PCCA: variants seen among roughly 807,000 people sequenced by gnomAD.
The protein encoded by PCCA is propionyl-CoA carboxylase alpha chain, mitochondrial.
A neutral mutation model predicts 101.3 loss-of-function variants in PCCA; 74 were observed. The ratio of observed to expected loss-of-function variants is 0.73; its 90% CI spans 0.61 to 0.89. The LOEUF (loss-of-function observed/expected upper bound fraction) is 0.89. Ranked by LOEUF, PCCA falls within the 40% of genes least tolerant of loss-of-function variation. The probability of loss-of-function intolerance (pLI) is 0.00; values close to 1 mark genes in which losing one functional copy is unlikely to be tolerated. For synonymous variants in PCCA, 294 were observed against 313.6 expected, an observed-to-expected ratio of 0.94 and a Z score of 0.66; for missense variants, 891 against 907.0, an observed-to-expected ratio of 0.98 and a Z score of 0.23.
intron 19 of PCCA, among the ~76,000 whole-genome samples, chr13:100,378,455 A>G (rs2076048870): frequency 1.3e-5 from 2 of 152,200 alleles, no homozygotes; most frequent in Non-Finnish European, 2.9e-5. Flanking sequence ...GACCTTCTGT[A>G]TCTGGATGTC....
chr13:100,508,989 C>T (rs1263571727), intron 21 of PCCA, among the ~76,000 whole-genome samples: 1 of 152,068 alleles, frequency 6.6e-6, no homozygotes, highest in African/African-American at 2.4e-5. Flanking sequence ...ATAATAAGGG[C>T]CACTCTGTAC....
chr13:100,309,923 T>G lies in PCCA; in HGVS notation c.1429+15T>G, dbSNP rs760446305. On this transcript the variant is annotated intron_variant, in intron 16 of 23. Transcript: ENST00000376285. ...TGTTATTCGAGGTAAAAACAAAGAT[T>G]TGCACTCGTTGGTTATTGTATATGG... is the stretch of plus-strand genomic sequence containing the variant. 1 of 1,583,566 alleles carries G rather than the reference T, an allele frequency of 6.3e-7. No homozygotes were observed. Among genetic ancestry groups the G allele is most frequent in the Non-Finnish European group, 8.7e-7 (1 of 1,152,200 alleles).
intron 8 of PCCA, among the ~76,000 whole-genome samples, chr13:100,242,133 T>C (rs960744435): frequency 2.6e-5 from 4 of 152,058 alleles, no homozygotes; most frequent in African/African-American, 9.7e-5. Context: ...GAAGAATAGA[T>C]TAAAAAAAGT....
intron 16 of PCCA, among the ~76,000 whole-genome samples, chr13:100,324,523 T>C (rs2068429405): frequency 6.6e-6 from 1 of 152,180 alleles, no homozygotes; most frequent in South Asian, 2.1e-4. Context: ...ACATAAAATA[T>C]ATAGAGATAC....
chr13:100,288,615 C>A (rs1196592606), intron 12 of PCCA, among the ~76,000 whole-genome samples: 2 of 152,216 alleles, frequency 1.3e-5, no homozygotes, highest in African/African-American at 4.8e-5. Context: ...GTAGTTTACA[C>A]TAGGGTTGCT....
chr13:100,227,950 A>C (rs2060239539), intron 7 of PCCA, among the ~76,000 whole-genome samples: 1 of 152,278 alleles, frequency 6.6e-6, no homozygotes, highest in African/African-American at 2.4e-5. Context: ...CAAATGAAAA[A>C]TTTTTAAGGG....
At chr13:100,187,707 C>T (rs113350404) in intron 6 of PCCA, among the ~76,000 whole-genome samples, 5 of 152,172 alleles carry the variant, frequency 3.3e-5, no homozygotes, top group African/African-American at 1.2e-4. Flanking sequence ...TTCAGGGGTA[C>T]ATGTGCAAGT....
chr13:100,091,943 A>T (rs1205605287), intron 1 of PCCA, among the ~76,000 whole-genome samples: 2 of 151,326 alleles, frequency 1.3e-5, no homozygotes, highest in Non-Finnish European at 2.9e-5. Flanking sequence ...TTTTTTTGAG[A>T]TGGGGTCTCG....
intron 21 of PCCA, among the ~76,000 whole-genome samples, chr13:100,485,640 A>G (rs538858567): frequency 6.6e-6 from 1 of 152,340 alleles, no homozygotes; most frequent in South Asian, 2.1e-4. Flanking sequence ...GGGTATATGT[A>G]TACAGAGACC....
intron 4 of PCCA, among the ~76,000 whole-genome samples, chr13:100,143,922 T>C (rs1052616496): frequency 5.3e-5 from 8 of 151,700 alleles, no homozygotes; most frequent in Non-Finnish European, 1.2e-4. Context: ...GTCTGGCTAA[T>C]TAAGAGAAAT....
intron 19 of PCCA, among the ~76,000 whole-genome samples, chr13:100,409,112 T>C (rs1289963013): frequency 6.6e-6 from 1 of 152,038 alleles, no homozygotes; most frequent in East Asian, 1.9e-4. Context: ...GGTAGGGAGC[T>C]GCTGCTCTCT....
intron 4 of PCCA, among the ~76,000 whole-genome samples, chr13:100,118,535 A>G (rs1424173182): frequency 6.6e-6 from 1 of 152,070 alleles, no homozygotes; most frequent in Non-Finnish European, 1.5e-5. Flanking sequence ...AGACTACTTC[A>G]TAAGTGATGT....
intron 17 of PCCA, among the ~76,000 whole-genome samples, chr13:100,335,879 C>T (rs1182235439): frequency 6.6e-6 from 1 of 152,198 alleles, no homozygotes; most frequent in Non-Finnish European, 1.5e-5. Context: ...GATTACCCTA[C>T]AGACAAAGCT....
intron 6 of PCCA, among the ~76,000 whole-genome samples, chr13:100,202,430 G>T (rs957803852): frequency 6.0e-5 from 9 of 149,322 alleles, no homozygotes; most frequent in Middle Eastern, 3.3e-3. Context: ...ATAAAATGTT[G>T]CTGTCAAAGT....
intron 20 of PCCA, among the ~76,000 whole-genome samples, chr13:100,442,664 A>T (rs2080465556): frequency 6.6e-6 from 1 of 152,172 alleles, no homozygotes; most frequent in Non-Finnish European, 1.5e-5. Flanking sequence ...CAGCAGGGGG[A>T]AGTAGATACT....
intron 21 of PCCA, among the ~76,000 whole-genome samples, chr13:100,499,971 T>A (rs1196887351): frequency 1.3e-5 from 2 of 152,170 alleles, no homozygotes; most frequent in Non-Finnish European, 1.5e-5. Flanking sequence ...GAATAACAGA[T>A]TCATTTTTTC....
chr13:100,444,346 A>G (rs991174541), intron 20 of PCCA, among the ~76,000 whole-genome samples: 8 of 150,618 alleles, frequency 5.3e-5, no homozygotes, highest in African/African-American at 2.4e-5. Context: ...CTCGGATTAC[A>G]GGTGCCACCA....
At chr13:100,355,744 T>C (rs1282636861) in intron 18 of PCCA, among the ~76,000 whole-genome samples, 1 of 152,166 alleles carries the variant, frequency 6.6e-6, no homozygotes, top group Non-Finnish European at 1.5e-5. Flanking sequence ...GCACAATCCT[T>C]ACTAGAATCC....
chr13:100,527,468 TC>T, intron 22 of PCCA: 1 of 581,982 alleles, frequency 1.7e-6, no homozygotes, highest in Non-Finnish European at 3.1e-6. Flanking sequence ...TTTTTTTTTT[TC>T]CAACGAGGAC....
Sources: allele counts gnomAD v4.1 joint callset (sites outside exome capture counted in the v4.1 genomes callset), GRCh38; gene constraint gnomAD v4.1.1; transcripts MANE v1.5; gene names NCBI Gene and HGNC (gene_info 2026-07-23, HGNC 2026-07-21).